Variants in KATNBL1 observed in about 807,000 individuals in gnomAD.
KATNBL1 encodes the protein katanin regulatory subunit B1 like 1.
In KATNBL1, 28 loss-of-function variants were observed where a neutral mutation model predicts 44.7. The ratio of observed to expected loss-of-function variants is 0.63; its 90% CI spans 0.46 to 0.86. The LOEUF (loss-of-function observed/expected upper bound fraction) is 0.86, where lower values mean the gene tolerates loss of function less well. Among genes scored for constraint, KATNBL1 ranks in the 40% least tolerant of loss-of-function variants. KATNBL1 has a pLI of 0.00. For synonymous variants in KATNBL1, 78 were observed against 114.9 expected, an observed-to-expected ratio of 0.68 and a Z score of 2.06; for missense variants, 272 against 350.7, an observed-to-expected ratio of 0.78 and a Z score of 1.79.
intron 1 of KATNBL1, among the ~76,000 whole-genome samples, chr15:34,185,441 A>T (rs1889691592): frequency 6.6e-6 from 1 of 152,228 alleles, no homozygotes; most frequent in Admixed American, 6.5e-5. Flanking sequence ...TGCCAAATAG[A>T]CTGCAAAACT....
intron 1 of KATNBL1, among the ~76,000 whole-genome samples, chr15:34,196,182 C>G (rs1490892746): frequency 6.6e-6 from 1 of 152,120 alleles, no homozygotes; most frequent in Non-Finnish European, 1.5e-5. Flanking sequence ...CTTTGGGAGG[C>G]CAAGTGGGAT....
chr15:34,204,664 A>G (rs1288916532), intron 1 of KATNBL1, among the ~76,000 whole-genome samples: 1 of 152,240 alleles, frequency 6.6e-6, no homozygotes, highest in Admixed American at 6.5e-5. Context: ...CCACCCATAC[A>G]GGCTTCTTGA....
intron 1 of KATNBL1, chr15:34,199,802 T>C (rs984372392): frequency 6.6e-6 from 1 of 152,012 alleles, no homozygotes; most frequent in Admixed American, 6.6e-5. Context: ...ACCCAAACAG[T>C]GAGCAACAGC....
At chr15:34,180,884 G>A (rs1232707168) in intron 1 of KATNBL1, among the ~76,000 whole-genome samples, 1 of 152,022 alleles carries the variant, frequency 6.6e-6, no homozygotes, top group Non-Finnish European at 1.5e-5. Context: ...GCAACATAGT[G>A]AGACCCGTCT....
At chr15:34,207,747 C>T (rs148908834) in intron 1 of KATNBL1, among the ~76,000 whole-genome samples, 74 of 152,306 alleles carry the variant, frequency 4.9e-4, no homozygotes, top group African/African-American at 1.7e-3. Context: ...ACTACAGACA[C>T]ATGCCACCAT....
In KATNBL1 at chr15:34,206,726, G is replaced by A. The variant is rs1346797010; in HGVS notation, c.-15+3225C>T. On this transcript the variant is annotated intron_variant, in intron 1 of 9. Transcript: ENST00000256544. ...GAATAGCTTGAACCCGGGAGGTGGAGGTTGTGGTGAGTCAAGATCTTGCCA... is the reference window on the plus strand; with the variant it reads ...GAATAGCTTGAACCCGGGAGGTGGAAGTTGTGGTGAGTCAAGATCTTGCCA... Among the ~76,000 whole-genome samples, 3 of 151,978 alleles carry A rather than the reference G, an allele frequency of 2.0e-5. No individual in the cohort carries two copies. In the East Asian group the frequency reaches 5.8e-4, roughly 29 times the overall value.
chr15:34,165,032 C>T (rs1325156916), intron 1 of KATNBL1, among the ~76,000 whole-genome samples: 1 of 152,208 alleles, frequency 6.6e-6, no homozygotes, highest in Non-Finnish European at 1.5e-5. Flanking sequence ...ATGGACAACC[C>T]TTCCACCTGT....
intron 1 of KATNBL1, among the ~76,000 whole-genome samples, chr15:34,188,987 TTAA>T (rs1468864698): frequency 6.6e-6 from 1 of 152,230 alleles, no homozygotes; most frequent in Non-Finnish European, 1.5e-5. Context: ...TACTGACATA[TTAA>T]TAATAATCAA....
In KATNBL1 at chr15:34,172,256, C is replaced by CTTT. The variant is rs59733560; in HGVS notation, c.-14-8569_-14-8567dup. On this transcript the variant is annotated intron_variant, in intron 1 of 9. Coordinates refer to ENST00000256544, the MANE Select transcript of KATNBL1 (RefSeq NM_024713.3). ...ACAGAGTCCTTGGGAGGAACATATTCTTTTTTTTTTTTTTTTTTGAGATGG... is the reference window on the plus strand; with the variant it reads ...ACAGAGTCCTTGGGAGGAACATATTCTTTTTTTTTTTTTTTTTTTTTGAGATGG... Among the ~76,000 whole-genome samples, 62 of 96,614 alleles carry CTTT rather than the reference C, an allele frequency of 6.4e-4. 3 individuals carry two copies. The highest frequency in any genetic ancestry group is 2.3e-3 in the African/African-American group (59 of 25,966). 63.4% of individuals were successfully genotyped at this position (96,614 alleles called of 152,430 possible). A position where few individuals can be genotyped will look rare whatever the true frequency, so the allele number is the denominator to read the frequency against.
chr15:34,163,663 G>C lies in KATNBL1; in HGVS notation c.14C>G (p.Thr5Ser). Residue 5 changes from threonine (T) to serine (S), a missense_variant, in exon 2 of 10, where the codon ACC (threonine) becomes AGC (serine). By Grantham distance (58) the Thr-to-Ser change is moderately conservative. Around this residue, in one of 3 missense-constraint regions of KATNBL1, gnomAD observed 122 missense variants for 125.0 expected, o/e 0.98. Coordinates refer to ENST00000256544, the MANE Select transcript of KATNBL1 (RefSeq NM_024713.3). Reference protein sequence around the residue: MASETHNVKKRNFCN... With the variant: MASESHNVKKRNFCN... ...AAAGTTCCGTTTTTTAACATTGTGG[G>C]TTTCTGATGCCATAATCTCTTAAGT... The C allele has an allele frequency of 6.3e-7, 1 of 1,577,908 alleles. No homozygotes were observed. Among genetic ancestry groups the C allele is most frequent in the Non-Finnish European group, 8.6e-7 (1 of 1,164,314 alleles).
chr15:34,207,573 A>G (rs925546949), intron 1 of KATNBL1, among the ~76,000 whole-genome samples: 5 of 151,912 alleles, frequency 3.3e-5, no homozygotes, highest in African/African-American at 1.2e-4. Flanking sequence ...TTCTGGGCTC[A>G]AGCTTTCCTC....
At chr15:34,203,734 C>A (rs1422502952) in intron 1 of KATNBL1, among the ~76,000 whole-genome samples, 3 of 152,110 alleles carry the variant, frequency 2.0e-5, no homozygotes, top group Non-Finnish European at 2.9e-5. Context: ...TGTCTCCAGG[C>A]TGGAGTGCAG....
intron 1 of KATNBL1, among the ~76,000 whole-genome samples, chr15:34,193,216 C>CAAAAAAAA (rs34216208): frequency 2.4e-4 from 16 of 66,342 alleles, no homozygotes; most frequent in African/African-American, 8.1e-4. Flanking sequence ...GACTCCGTCT[C>CAAAAAAAA]AAAAAAAAAA....
intron 1 of KATNBL1, among the ~76,000 whole-genome samples, chr15:34,190,119 T>C (rs372728714): frequency 6.6e-6 from 1 of 152,152 alleles, no homozygotes; most frequent in Non-Finnish European, 1.5e-5. Context: ...TAATTTTTTG[T>C]ATTTTTAGTA....
chr15:34,146,929 A>G, intron 7 of KATNBL1, 79 bp from the exon 8 acceptor site: 1 of 885,642 alleles, frequency 1.1e-6, no homozygotes, highest in Non-Finnish European at 1.9e-6. Context: ...TTTCCCTCCC[A>G]AAAAACACAC....
At chr15:34,181,789 T>C (rs961072941) in intron 1 of KATNBL1, among the ~76,000 whole-genome samples, 25 of 123,482 alleles carry the variant, frequency 2.0e-4, no homozygotes, top group African/African-American at 7.5e-4. Context: ...TATGTCCATA[T>C]ATATATCCAT....
intron 1 of KATNBL1, among the ~76,000 whole-genome samples, chr15:34,197,298 G>C (rs1890052703): frequency 6.6e-6 from 1 of 152,194 alleles, no homozygotes; most frequent in South Asian, 2.1e-4. Context: ...ATAAGTCCTA[G>C]AGTCAGACTA....
At chr15:34,205,233 C>A (rs1287238035) in intron 1 of KATNBL1, among the ~76,000 whole-genome samples, 1 of 152,116 alleles carries the variant, frequency 6.6e-6, no homozygotes, top group Non-Finnish European at 1.5e-5. Context: ...ACCTTGTGAA[C>A]CGCCCACGTA....
Position 34,188,136 on chromosome 15 carries a change from G to GCAAAAAAAAAAAAA in KATNBL1, c.-15+21814_-15+21815insTTTTTTTTTTTTTG, listed in dbSNP as rs1394136257. Among the ~76,000 whole-genome samples the GCAAAAAAAAAAAAA allele has an allele frequency of 6.5e-3, 43 of 6,592 alleles. 2 individuals carry two copies. The highest frequency in any genetic ancestry group is 0.016 in the Non-Finnish European group (36 of 2,266). The allele number at this position is 6,592 out of a possible 152,430, so 4.3% of individuals were successfully genotyped here. A position where few individuals can be genotyped will look rare whatever the true frequency, so the allele number is the denominator to read the frequency against. ...CCTGGGTGACAGAGGAAGACGCCAT[G>GCAAAAAAAAAAAAA]TAAAAAAAAAAAAAAAAAAAAAAAA... On this transcript the variant is annotated intron_variant, in intron 1 of 9. Transcript: ENST00000256544.
Sources: allele counts gnomAD v4.1 joint callset (sites outside exome capture counted in the v4.1 genomes callset), GRCh38; gene constraint gnomAD v4.1.1; regional missense constraint gnomAD v4.1.1; transcripts MANE v1.5; gene names NCBI Gene and HGNC (gene_info 2026-07-23, HGNC 2026-07-21).